HIRA: variants seen among roughly 807,000 people sequenced by gnomAD.
HIRA encodes protein HIRA.
HIRA carries 13 observed loss-of-function variants against 126.6 expected under a neutral mutation model. The observed-to-expected ratio is 0.10, with a 90% confidence interval of 0.07 to 0.16. HIRA has a LOEUF of 0.16. HIRA is among the 10% of genes least tolerant of loss of function. The pLI, the probability that HIRA is intolerant of heterozygous loss-of-function variation, is 1.00. For synonymous variants in HIRA, 511 were observed against 520.0 expected (o/e 0.98, Z 0.24); for missense variants, 834 against 1,314.4 (o/e 0.63, Z 5.65).
rs782676508 is a variant in HIRA at position 19,331,011 on chromosome 22, A to G, written c.*429T>C. The G allele has an allele frequency of 4.3e-6, 2 of 465,684 alleles. No individual in the cohort carries two copies. Among genetic ancestry groups the G allele is most frequent in the South Asian group, 3.1e-5 (1 of 32,580 alleles). 28.8% of individuals were successfully genotyped at this position (465,684 alleles called of 1,614,324 possible). On this transcript the variant is annotated 3_prime_UTR_variant, in exon 25 of 25. Transcript: ENST00000263208. ...TGTGTTGGAACAGCTTTCCTTTTACATAGGTCTTAGGTCAGTCTGCTGTAA... is the reference window on the plus strand; with the variant it reads ...TGTGTTGGAACAGCTTTCCTTTTACGTAGGTCTTAGGTCAGTCTGCTGTAA...
chr22:19,406,899 T>G (rs1343287348), intron 4 of HIRA, among the ~76,000 whole-genome samples: 1 of 152,156 alleles, frequency 6.6e-6, no homozygotes, highest in Non-Finnish European at 1.5e-5. Context: ...CATGTGAAAT[T>G]TCACTTGAAA....
At chr22:19,360,419 C>T (rs2088852696) in intron 17 of HIRA, among the ~76,000 whole-genome samples, 1 of 152,240 alleles carries the variant, frequency 6.6e-6, no homozygotes, top group South Asian at 2.1e-4. Flanking sequence ...GCAATAAGAA[C>T]AAACCCTATG....
intron 24 of HIRA, among the ~76,000 whole-genome samples, chr22:19,336,159 A>T (rs2088565640): frequency 6.6e-6 from 1 of 152,238 alleles, no homozygotes; most frequent in South Asian, 2.1e-4. Flanking sequence ...GCTGGCTTAA[A>T]GATGGAGGAG....
intron 15 of HIRA, among the ~76,000 whole-genome samples, chr22:19,372,867 T>C (rs1391749743): frequency 1.3e-5 from 2 of 152,140 alleles, no homozygotes; most frequent in Non-Finnish European, 2.9e-5. Context: ...CCACCGTGCC[T>C]GGCCAAGCTT....
chr22:19,362,522 T>A lies in HIRA; in HGVS notation c.1776-591A>T, dbSNP rs536736939. Among the ~76,000 whole-genome samples, 224 of 152,282 alleles carry A rather than the reference T, an allele frequency of 1.5e-3. 2 individuals carry two copies. The highest frequency in any genetic ancestry group is 5.2e-3 in the African/African-American group (217 of 41,540). ...TAAAAAAAATTTTTTAAAGCATAAT[T>A]AATAATGCTGAGAGGAGAGAAAATT... On this transcript the variant is annotated intron_variant, in intron 15 of 24. Coordinates refer to ENST00000263208, the MANE Select transcript of HIRA (RefSeq NM_003325.4).
chr22:19,405,424 T>C, intron 5 of HIRA: 1 of 909,168 alleles, frequency 1.1e-6, no homozygotes, highest in Non-Finnish European at 1.3e-6. Flanking sequence ...AATGGGCATC[T>C]GTGAGCTGAT....
At chr22:19,372,550 T>C (rs923398100) in intron 15 of HIRA, among the ~76,000 whole-genome samples, 8 of 151,946 alleles carry the variant, frequency 5.3e-5, no homozygotes, top group African/African-American at 1.5e-4. Context: ...TGATAGTGCT[T>C]TGGAAGCAAA....
At chr22:19,354,526 C>T (rs879956587) in intron 21 of HIRA, among the ~76,000 whole-genome samples, 5 of 152,228 alleles carry the variant, frequency 3.3e-5, no homozygotes, top group Admixed American at 6.5e-5. Context: ...CTCTACCTGC[C>T]TGTATTTCTA....
rs1453481283 is a variant in HIRA, at chr22:19,356,918, G to A, written c.2368C>T (p.Leu790Phe). 6.8e-6 allele frequency: 11 copies of A among 1,613,772 alleles called. No individual in the cohort carries two copies. The highest frequency in any genetic ancestry group is 3.3e-5 in the Admixed American group (2 of 60,008). The part of the protein sequence containing the change: ...LHCTGSYVMA[L>F]TAAATLSVWD... ...ACAGAGAGTGTGGCTGCAGCGGTGA[G>A]CGCCATGACGTAGGAGCCTGTGCAA... The change falls in exon 19 of 25, where the codon CTC (leucine) becomes TTC (phenylalanine). Residue 790 changes from leucine (L) to phenylalanine (F), a missense_variant. Around this residue, in one of 5 missense-constraint regions of HIRA, gnomAD observed 468 missense variants for 574.2 expected, o/e 0.82. Transcript: ENST00000263208.
chr22:19,356,080 GT>G, intron 20 of HIRA, 149 bp downstream of exon 20: 1 of 757,830 alleles, frequency 1.3e-6, no homozygotes, highest in Non-Finnish European at 2.2e-6. Flanking sequence ...CCCAAAAAGT[GT>G]GTGTCTCCTG....
chr22:19,411,970 T>C (rs986723142), intron 1 of HIRA, among the ~76,000 whole-genome samples: 4 of 152,212 alleles, frequency 2.6e-5, no homozygotes, highest in Admixed American at 6.5e-5. Flanking sequence ...GCCGCAGCCA[T>C]GTAGTCAAAT....
chr22:19,393,599 G>A lies in HIRA; in HGVS notation c.822+743C>T, dbSNP rs529810962. Reference sequence around the variant, plus strand: ...TCTTGACCTCCTGACCTCATGATCCGCCCACCACAGCCTCCCAAAGTGCTG... The same window carrying A: ...TCTTGACCTCCTGACCTCATGATCCACCCACCACAGCCTCCCAAAGTGCTG... On this transcript the variant is annotated intron_variant, in intron 8 of 24. Coordinates refer to ENST00000263208, the MANE Select transcript of HIRA (RefSeq NM_003325.4). 4.6e-5 allele frequency among the ~76,000 whole-genome samples: 7 copies of A among 152,096 alleles called. No homozygotes were observed. The East Asian group carries it at 5.8e-4, about 13-fold the overall frequency.
intron 13 of HIRA, among the ~76,000 whole-genome samples, chr22:19,381,148 T>C (rs1601831933): frequency 6.6e-6 from 1 of 152,240 alleles, no homozygotes; most frequent in Non-Finnish European, 1.5e-5. Flanking sequence ...GGTTGCATCC[T>C]AGTTATTTTA....
At chr22:19,375,584 T>C (rs2089010192) in intron 15 of HIRA, 47 bp downstream of exon 15, 1 of 1,603,276 alleles carries the variant, frequency 6.2e-7, no homozygotes, top group Non-Finnish European at 8.5e-7. Flanking sequence ...TGTTGACCCA[T>C]GCCTGCACCC....
chr22:19,379,214 G>A (rs868328205), intron 13 of HIRA, among the ~76,000 whole-genome samples: 78 of 151,348 alleles, frequency 5.2e-4, no homozygotes, highest in African/African-American at 1.8e-3. Context: ...GGGTTTAACC[G>A]TGTTAGCCAG....
chr22:19,401,297 G>A (rs1192536596), intron 5 of HIRA, among the ~76,000 whole-genome samples: 4 of 152,056 alleles, frequency 2.6e-5, no homozygotes, highest in Admixed American at 2.0e-4. Context: ...TTCACTGTCC[G>A]TTTTGTTGTT....
chr22:19,351,242 G>A lies in HIRA; in HGVS notation c.2937+116C>T, dbSNP rs2088754234. Reference sequence around the variant, plus strand: ...CTCACTGATGCTGGGACCTGAGGCTGGGTGCTGGAGAAGTCTAACGGGACA... The same window carrying A: ...CTCACTGATGCTGGGACCTGAGGCTAGGTGCTGGAGAAGTCTAACGGGACA... On this transcript the variant is annotated intron_variant, in intron 24 of 24. Coordinates refer to ENST00000263208, the MANE Select transcript of HIRA (RefSeq NM_003325.4). The surrounding 1 kb of genome is among the most constrained non-coding windows in gnomAD (Gnocchi z 4.8). 1 of 1,432,964 alleles carries A rather than the reference G, an allele frequency of 7.0e-7. No individual in the cohort carries two copies. Among genetic ancestry groups the A allele is most frequent in the South Asian group, 1.5e-5 (1 of 66,638 alleles). 88.8% of individuals were successfully genotyped at this position (1,432,964 alleles called of 1,614,324 possible). A position where few individuals can be genotyped will look rare whatever the true frequency, so the allele number is the denominator to read the frequency against.
chr22:19,430,632 G>A (rs577892536), intron 1 of HIRA, among the ~76,000 whole-genome samples: 3 of 151,706 alleles, frequency 2.0e-5, no homozygotes, highest in East Asian at 1.9e-4. Flanking sequence ...TGTCAGCAGA[G>A]TGGGGTGGGG....
chr22:19,332,934 G>A (rs1187695106), intron 24 of HIRA, among the ~76,000 whole-genome samples: 1 of 151,972 alleles, frequency 6.6e-6, no homozygotes, highest in African/African-American at 2.4e-5. Context: ...TTTGAGACAG[G>A]GTCTAGCTCT....
Sources: allele counts gnomAD v4.1 joint callset (sites outside exome capture counted in the v4.1 genomes callset), GRCh38; gene constraint gnomAD v4.1.1; regional missense constraint gnomAD v4.1.1; non-coding constraint Gnocchi (gnomAD v3.1); transcripts MANE v1.5; gene names NCBI Gene and HGNC (gene_info 2026-07-23, HGNC 2026-07-21).